The following LRP1B variants were observed in gnomAD, a reference collection of about 807,000 sequenced individuals.
The protein encoded by LRP1B is LDL receptor related protein 1B.
LRP1B carries 217 observed loss-of-function variants against 556.6 expected under a neutral mutation model. That is an observed-to-expected ratio of 0.39 (90% CI 0.35 to 0.44). The LOEUF is 0.44. Ranked by LOEUF, LRP1B falls within the 20% of genes least tolerant of loss-of-function variation. The pLI is 1.00. For missense variants in LRP1B, 5,053 were observed against 5,620.8 expected (o/e 0.90, Z 3.23); for synonymous variants, 2,047 against 1,865.8 (o/e 1.10, Z -2.50).
intron 29 of LRP1B, among the ~76,000 whole-genome samples, chr2:140,846,155 G>GA (rs1457255314): frequency 6.6e-6 from 1 of 152,150 alleles, no homozygotes; most frequent in African/African-American, 2.4e-5. Flanking sequence ...AGCAATAGGG[G>GA]AAGTCAAAAG....
chr2:141,294,681 G>C (rs535468105), intron 3 of LRP1B, among the ~76,000 whole-genome samples: 24 of 150,958 alleles, frequency 1.6e-4, no homozygotes, highest in Non-Finnish European at 2.2e-4. Context: ...TCAAGGATAC[G>C]GTGCACCATG....
At chr2:140,972,000 G>A (rs1242501990) in intron 18 of LRP1B, among the ~76,000 whole-genome samples, 1 of 152,138 alleles carries the variant, frequency 6.6e-6, no homozygotes, top group Non-Finnish European at 1.5e-5. Flanking sequence ...AAGAAATTGG[G>A]GAAATGCTGA....
intron 21 of LRP1B, among the ~76,000 whole-genome samples, chr2:140,913,354 C>A (rs538080849): frequency 6.6e-6 from 1 of 151,862 alleles, no homozygotes; most frequent in African/African-American, 2.4e-5. Context: ...AGATGAAAGC[C>A]ATATAACCAT....
chr2:140,262,472 T>A (rs1681989922), intron 86 of LRP1B, among the ~76,000 whole-genome samples: 1 of 152,162 alleles, frequency 6.6e-6, no homozygotes. Flanking sequence ...CCAACAGTAA[T>A]GGACGAATAT....
intron 25 of LRP1B, among the ~76,000 whole-genome samples, chr2:140,878,493 C>A (rs1693376591): frequency 6.6e-6 from 1 of 151,994 alleles, no homozygotes; most frequent in Non-Finnish European, 1.5e-5. Flanking sequence ...TAGTAAAATG[C>A]CTTTCTTAAA....
intron 7 of LRP1B, among the ~76,000 whole-genome samples, chr2:141,153,375 A>AT (rs1701978591): frequency 9.7e-6 from 1 of 103,560 alleles, no homozygotes; most frequent in Non-Finnish European, 1.9e-5. Context: ...TATATATAAT[A>AT]ATATATATAA....
intron 2 of LRP1B, among the ~76,000 whole-genome samples, chr2:141,672,460 C>T (rs1227613525): frequency 6.6e-6 from 1 of 152,158 alleles, no homozygotes; most frequent in Non-Finnish European, 1.5e-5. Context: ...CTTCAGAGCT[C>T]CTTCCTGAAA....
chr2:141,047,104 C>CA, intron 11 of LRP1B, among the ~76,000 whole-genome samples: 1 of 114,130 alleles, frequency 8.8e-6, no homozygotes, highest in East Asian at 2.4e-4. Flanking sequence ...GTGTCTGGGT[C>CA]AAAAACAAAA....
At chr2:141,063,775 C>T (rs2105471216) in intron 7 of LRP1B, among the ~76,000 whole-genome samples, 1 of 152,008 alleles carries the variant, frequency 6.6e-6, no homozygotes, top group African/African-American at 2.4e-5. Context: ...ATTCTTGCTA[C>T]ATGAAACTTT....
At chr2:140,743,679 G>C (rs560182687) in intron 35 of LRP1B, among the ~76,000 whole-genome samples, 1 of 152,004 alleles carries the variant, frequency 6.6e-6, no homozygotes, top group Non-Finnish European at 1.5e-5. Flanking sequence ...TAAAATCCAG[G>C]CTGGGAGCGG....
chr2:141,073,795 T>C (rs1044678300), intron 7 of LRP1B, among the ~76,000 whole-genome samples: 1 of 152,090 alleles, frequency 6.6e-6, no homozygotes, highest in African/African-American at 2.4e-5. Context: ...GTATCCTCTA[T>C]GTCCAACTTA....
At chr2:141,143,565 A>G (rs1701710172) in intron 7 of LRP1B, among the ~76,000 whole-genome samples, 1 of 152,154 alleles carries the variant, frequency 6.6e-6, no homozygotes, top group Non-Finnish European at 1.5e-5. Context: ...ATACTGATAA[A>G]TTCCTAGTAT....
chr2:141,554,511 C>G (rs1016437480), intron 2 of LRP1B, among the ~76,000 whole-genome samples: 2 of 151,478 alleles, frequency 1.3e-5, no homozygotes, highest in Non-Finnish European at 2.9e-5. Context: ...TTAGAGAGTA[C>G]ATTTTTACTA....
intron 3 of LRP1B, among the ~76,000 whole-genome samples, chr2:141,277,480 T>A (rs1433484118): frequency 6.6e-6 from 1 of 152,224 alleles, no homozygotes; most frequent in African/African-American, 2.4e-5. Flanking sequence ...TTTCACTTTT[T>A]CTTGCCTTCA....
chr2:141,899,516 C>T (rs1301934991), intron 1 of LRP1B, among the ~76,000 whole-genome samples: 1 of 152,054 alleles, frequency 6.6e-6, no homozygotes, highest in Non-Finnish European at 1.5e-5. Context: ...ACACAGTGTG[C>T]CTCTGGGATT....
intron 2 of LRP1B, among the ~76,000 whole-genome samples, chr2:141,690,396 A>AATAAATAAAAATATATATAT (rs5834858): frequency 7.4e-5 from 2 of 26,934 alleles, no homozygotes; most frequent in African/African-American, 2.3e-4. Flanking sequence ...TACATCTATA[A>AATAAATAAAAATATATATAT]ATATATATAT....
chr2:141,518,826 T>C (rs1468694057), intron 2 of LRP1B, among the ~76,000 whole-genome samples: 1 of 152,130 alleles, frequency 6.6e-6, no homozygotes, highest in Non-Finnish European at 1.5e-5. Flanking sequence ...GGCGGGCGCC[T>C]GTAATCCCAG....
intron 37 of LRP1B, among the ~76,000 whole-genome samples, chr2:140,712,080 G>A (rs1451443808): frequency 6.6e-6 from 1 of 152,066 alleles, no homozygotes; most frequent in Non-Finnish European, 1.5e-5. Context: ...GTCCCTAACA[G>A]CTCACACAGA....
intron 2 of LRP1B, among the ~76,000 whole-genome samples, chr2:141,570,451 G>T (rs1686485954): frequency 6.6e-6 from 1 of 151,196 alleles, no homozygotes; most frequent in Non-Finnish European, 1.5e-5. Flanking sequence ...ACACCACCAG[G>T]GCCTAGTGTC....
Sources: gnomAD v4.1 joint callset for allele counts (sites outside exome capture counted in the v4.1 genomes callset) on GRCh38, gnomAD v4.1.1 for gene constraint, MANE v1.5 for transcripts, NCBI Gene and HGNC (gene_info 2026-07-23, HGNC 2026-07-21) for gene names.